Variants in GRIN2C observed in about 807,000 individuals in gnomAD.
GRIN2C encodes glutamate receptor ionotropic, NMDA 2C.
GRIN2C carries 64 observed loss-of-function variants against 77.7 expected under a neutral mutation model. The observed-to-expected ratio is 0.82, with a 90% CI of 0.67 to 1.01. GRIN2C has a LOEUF of 1.01. GRIN2C is among the 50% of genes least tolerant of loss of function. The probability of loss-of-function intolerance (pLI) is 0.00; values close to 1 mark genes in which losing one functional copy is unlikely to be tolerated. For synonymous variants in GRIN2C, 792 were observed against 643.4 expected (o/e 1.23, Z -3.49); for missense variants, 1,549 against 1,486.0 (o/e 1.04, Z -0.70).
chr17:74,860,808 T>G, upstream of GRIN2C: 2 of 319,130 alleles, frequency 6.3e-6, no homozygotes, highest in Admixed American at 4.3e-5. Flanking sequence ...GCAAAGGAGA[T>G]GGGGCAGAGC....
chr17:74,847,459 A>G lies in GRIN2C; in HGVS notation c.1850T>C (p.Ile617Thr), dbSNP rs374136782. Residue 617 changes from isoleucine (I) to threonine (T), a missense_variant, in exon 9 of 13, where the codon ATC (isoleucine) becomes ACC (threonine). Physicochemically the swap from Ile to Thr is moderately conservative, Grantham distance 89. Coordinates refer to ENST00000293190, the MANE Select transcript of GRIN2C (RefSeq NM_000835.6). This position sits in a 1 kb window ranked among gnomAD's most constrained non-coding sequence, Gnocchi z 5.2. ...WALVFNNSVP[I>T]ENPRGTTSKI... is the part of the protein sequence containing the mutation. Reference sequence around the variant, plus strand: ...GCTGGTGGTGCCCCGCGGGTTCTCGATGGGCACTGAGTTGTTGAAGACCAG... The same window carrying G: ...GCTGGTGGTGCCCCGCGGGTTCTCGGTGGGCACTGAGTTGTTGAAGACCAG... 182 of 1,613,800 alleles carry G rather than the reference A, an allele frequency of 1.1e-4. No homozygotes were observed. The highest frequency in any genetic ancestry group is 1.5e-4 in the Non-Finnish European group (173 of 1,179,882).
Position 74,855,165 on chromosome 17 carries a change from T to G in GRIN2C, c.-15-58A>C, listed in dbSNP as rs368952276. The G allele has an allele frequency of 1.9e-5, 26 of 1,373,788 alleles. No individual in the cohort carries two copies. In the African/African-American group the frequency reaches 3.5e-4, roughly 18 times the overall value. The allele number at this position is 1,373,788 out of a possible 1,614,324, so 85.1% of individuals were successfully genotyped here. A position where few individuals can be genotyped will look rare whatever the true frequency, so the allele number is the denominator to read the frequency against. ...AGACAGAGGTTTGGAGAGAGGCAGA[T>G]GGACAGACAGGAGGGACAGAGGGAC... is the stretch of plus-strand genomic sequence containing the variant. On this transcript the variant is annotated intron_variant, in intron 1 of 12. Transcript: ENST00000293190.
chr17:74,851,650 A>C lies in GRIN2C; in HGVS notation c.1040T>G (p.Phe347Cys). Reference protein sequence around the residue: ...NVTWEGRDFSFSPGGYLVQPT... With the variant: ...NVTWEGRDFSCSPGGYLVQPT... ...CTGGACCAGGTACCCACCAGGGCTG[A>C]AGGAGAAGTCTCGGCCCTCCCAGGT... Residue 347 changes from phenylalanine (F) to cysteine (C), a missense_variant, in exon 4 of 13, where the codon TTC (phenylalanine) becomes TGC (cysteine). Physicochemically the swap from Phe to Cys is radical, Grantham distance 205. This residue lies in a region of GRIN2C where 717 missense variants were observed against 858.1 expected (regional missense o/e 0.84). Coordinates refer to ENST00000293190, the MANE Select transcript of GRIN2C (RefSeq NM_000835.6). The C allele has an allele frequency of 2.5e-6, 4 of 1,575,372 alleles. No homozygotes were observed. Among genetic ancestry groups the C allele is most frequent in the Non-Finnish European group, 3.4e-6 (4 of 1,159,778 alleles).
In GRIN2C at chr17:74,846,853, C is replaced by T. The variant is rs753742772; in HGVS notation, c.2069G>A (p.Arg690Gln). 12 of 1,614,112 alleles carry T rather than the reference C, an allele frequency of 7.4e-6. No homozygotes were observed. The highest frequency in any genetic ancestry group is 2.2e-5 in the East Asian group (1 of 44,886). ...GTCACGGTAGTTACTGCGGATGTTC[C>T]GCTCCGTGCTGCCGTTGGGCACCGT... ...FGTVPNGSTE[R>Q]NIRSNYRDMH... Residue 690 changes from arginine (R) to glutamine (Q), a missense_variant, in exon 10 of 13, where the codon CGG becomes CAG. Transcript: ENST00000293190. This position sits in a 1 kb window ranked among gnomAD's most constrained non-coding sequence, Gnocchi z 4.4.
At chr17:74,845,229 C>T (rs1366483267) in intron 11 of GRIN2C, among the ~76,000 whole-genome samples, 3 of 150,418 alleles carry the variant, frequency 2.0e-5, no homozygotes, top group Non-Finnish European at 4.4e-5. Context: ...CTCACCTGGC[C>T]GCTCTCATTA....
intron 11 of GRIN2C, among the ~76,000 whole-genome samples, chr17:74,845,261 A>ACT (rs1567889215): frequency 1.0e-5 from 1 of 97,650 alleles, no homozygotes. Flanking sequence ...GAGAAATCAG[A>ACT]TTTTTTTTTT....
At chr17:74,843,630 C>G in intron 12 of GRIN2C, 77 bp from the exon 13 acceptor site, 1 of 1,488,748 alleles carries the variant, frequency 6.7e-7, no homozygotes, top group Non-Finnish European at 9.0e-7. Context: ...CTGCCTGGTC[C>G]CAAGGCATCA....
intron 1 of GRIN2C, among the ~76,000 whole-genome samples, chr17:74,857,401 G>A (rs928057934): frequency 7.9e-5 from 12 of 152,170 alleles, no homozygotes; most frequent in Admixed American, 4.6e-4. Flanking sequence ...TCATGGTGGC[G>A]CCCTTGAAAT....
chr17:74,850,023 C>T lies in GRIN2C; in HGVS notation c.1492-90G>A, dbSNP rs909189312. ...CACCTCCAGACACCCCTTCTAGCAC[C>T]CACCAGCTGAGTCAATCATTCCCTC... is the stretch of plus-strand genomic sequence containing the variant. On this transcript the variant is annotated intron_variant, in intron 6 of 12. Transcript: ENST00000293190. The surrounding 1 kb of genome is among the most constrained non-coding windows in gnomAD (Gnocchi z 5.3). The T allele has an allele frequency of 1.4e-6, 2 of 1,441,466 alleles. No homozygotes were observed. The highest frequency in any genetic ancestry group is 4.5e-5 in the East Asian group (2 of 44,000). 89.3% of individuals were successfully genotyped at this position (1,441,466 alleles called of 1,614,324 possible). A position where few individuals can be genotyped will look rare whatever the true frequency, so the allele number is the denominator to read the frequency against.
upstream of GRIN2C, among the ~76,000 whole-genome samples, chr17:74,861,031 C>T (rs2037939421): frequency 1.3e-5 from 2 of 152,190 alleles, no homozygotes; most frequent in Non-Finnish European, 2.9e-5. Flanking sequence ...CTCTCCGCCC[C>T]GGCGGCTTCC....
chr17:74,843,554 C>T lies in GRIN2C; in HGVS notation c.2584-1G>A. ...CCCCGCTGAAGCAGCTGTAGATGCC[C>T]TGGGCAGTAGGGAGACGACAGGCCG... On this transcript the variant is annotated splice_acceptor_variant, in intron 12 of 12. Coordinates refer to ENST00000293190, the MANE Select transcript of GRIN2C (RefSeq NM_000835.6). LOFTEE classifies it high-confidence loss of function. 6 of 1,532,560 alleles carry T rather than the reference C, an allele frequency of 3.9e-6. No individual in the cohort carries two copies. The highest frequency in any genetic ancestry group is 5.2e-6 in the Non-Finnish European group (6 of 1,146,268). 94.9% of individuals were successfully genotyped at this position (1,532,560 alleles called of 1,614,324 possible).
rs1212879446 is a variant in GRIN2C at position 74,849,597 on chromosome 17, C to CCGAA, written c.1645+179_1645+182dup. Among the ~76,000 whole-genome samples, 3 of 152,086 alleles carry CCGAA rather than the reference C, an allele frequency of 2.0e-5. No homozygotes were observed. The highest frequency in any genetic ancestry group is 4.4e-5 in the Non-Finnish European group (3 of 68,018). ...CCTCACCTGGCAGCCATACCTAGAA[C>CCGAA]CGAACACTGACTTCACTTCTCCTGT... is the stretch of plus-strand genomic sequence containing the variant. On this transcript the variant is annotated intron_variant, in intron 7 of 12. Coordinates refer to ENST00000293190, the MANE Select transcript of GRIN2C (RefSeq NM_000835.6). This position sits in a 1 kb window ranked among gnomAD's most constrained non-coding sequence, Gnocchi z 4.6.
intron 1 of GRIN2C, among the ~76,000 whole-genome samples, chr17:74,856,821 A>G (rs2037833873): frequency 1.3e-5 from 2 of 152,012 alleles, no homozygotes; most frequent in Non-Finnish European, 2.9e-5. Flanking sequence ...TGTCTTACAG[A>G]CATATGGGCC....
At position 74,847,377 on chromosome 17, in the gene GRIN2C, C is replaced by T. The variant is rs559143867; in HGVS notation, c.1932G>A (p.Thr644=). 3.9e-5 allele frequency: 63 copies of T among 1,613,624 alleles called. No homozygotes were observed. Among genetic ancestry groups the T allele is most frequent in the East Asian group, 2.7e-4 (12 of 44,862 alleles). The change falls in exon 9 of 13, where the codon ACG becomes ACA. Residue 644 remains threonine (T), a synonymous_variant. Transcript: ENST00000293190. The surrounding 1 kb of genome is among the most constrained non-coding windows in gnomAD (Gnocchi z 5.2). ...FFAVIFLASY[T]ANLAAFMIQE... ...GGATCATGAAGGCGGCCAGGTTGGC[C>T]GTGTAGCTGGCGAGGAAGATGACAG...
upstream of GRIN2C, chr17:74,860,650 T>G: frequency 2.7e-6 from 1 of 377,202 alleles, no homozygotes; most frequent in Non-Finnish European, 5.3e-6. Flanking sequence ...GCGCCAGGTC[T>G]TGCTCGCCCA....
At chr17:74,853,770 CAA>C (rs2037732158) in intron 2 of GRIN2C, 1 of 152,160 alleles carries the variant, frequency 6.6e-6, no homozygotes, top group Non-Finnish European at 1.5e-5. Flanking sequence ...ATTAATGAAA[CAA>C]AGGCGAATCA....
At chr17:74,854,479 C>G in intron 2 of GRIN2C, 1 of 543,832 alleles carries the variant, frequency 1.8e-6, no homozygotes, top group Middle Eastern at 2.7e-4. Flanking sequence ...CTGCCCACCC[C>G]TCATCCAGAC....
intron 1 of GRIN2C, among the ~76,000 whole-genome samples, chr17:74,856,853 C>T (rs1433197956): frequency 6.6e-6 from 1 of 152,108 alleles, no homozygotes; most frequent in Admixed American, 6.5e-5. Context: ...CTAGTTCTCT[C>T]TAAGGAATCC....
In GRIN2C at chr17:74,854,803, T is replaced by C. The variant is rs1484098770; in HGVS notation, c.290A>G (p.Asp97Gly). The C allele has an allele frequency of 3.1e-6, 5 of 1,613,680 alleles. No individual in the cohort carries two copies. Among genetic ancestry groups the C allele is most frequent in the Non-Finnish European group, 4.2e-6 (5 of 1,179,722 alleles). The change falls in exon 2 of 13, where the codon GAC becomes GGC. Residue 97 changes from aspartate (D) to glycine (G), a missense_variant. Physicochemically the swap from Asp to Gly is moderately conservative, Grantham distance 94. Coordinates refer to ENST00000293190, the MANE Select transcript of GRIN2C (RefSeq NM_000835.6). ...GGCCACCGCCTCGGTGTCCACGTTG[T>C]CCTCAAAGACAATGCCGTGGACGTG... ...AAHVHGIVFEDNVDTEAVAQI... is the reference protein window; with the variant it reads ...AAHVHGIVFEGNVDTEAVAQI...
Sources: gnomAD v4.1 joint callset for allele counts (sites outside exome capture counted in the v4.1 genomes callset) on GRCh38, gnomAD v4.1.1 for gene constraint, gnomAD v4.1.1 regional missense constraint, Gnocchi (gnomAD v3.1) non-coding constraint, MANE v1.5 for transcripts, NCBI Gene and HGNC (gene_info 2026-07-23, HGNC 2026-07-21) for gene names.